PCDHGA3: variants seen among roughly 807,000 people sequenced by gnomAD.
PCDHGA3 encodes the protein protocadherin gamma subfamily A, 3.
In PCDHGA3, 40 loss-of-function variants were observed where a neutral mutation model predicts 58.5. That is an observed-to-expected ratio of 0.68 (90% CI 0.53 to 0.89). The LOEUF (loss-of-function observed/expected upper bound fraction) is 0.89, where lower values mean the gene tolerates loss of function less well. Ranked by LOEUF, PCDHGA3 falls within the 40% of genes least tolerant of loss-of-function variation. PCDHGA3 has a pLI of 0.00. For synonymous variants in PCDHGA3, 530 were observed against 525.7 expected (o/e 1.01, Z -0.11); for missense variants, 1,223 against 1,195.9 (o/e 1.02, Z -0.33).
At chr5:141,365,306 G>C in intron 1 of PCDHGA3, 1 of 1,613,976 alleles carries the variant, frequency 6.2e-7, no homozygotes, top group South Asian at 1.1e-5. Context: ...GGATGGAGGC[G>C]CTCTTGTTGC....
In PCDHGA3 at chr5:141,476,012, T is replaced by C. The variant is rs2099383969; in HGVS notation, c.2425-18795T>C. The stretch of plus-strand genomic sequence containing the variant: ...CAAATCAACGGCATCCAGAAAGCCA[T>C]GTCGGACTCGGCGCCCAGCGCCCAA... On this transcript the variant is annotated intron_variant, in intron 1 of 3. Coordinates refer to ENST00000253812, the MANE Select transcript of PCDHGA3 (RefSeq NM_018916.4). This position sits in a 1 kb window ranked among gnomAD's most constrained non-coding sequence, Gnocchi z 7.6. 7.6e-7 allele frequency: 1 copy of C among 1,317,178 alleles called. No individual in the cohort carries two copies. The highest frequency in any genetic ancestry group is 1.4e-5 in the South Asian group (1 of 69,696). The allele number at this position is 1,317,178 out of a possible 1,614,324, so 81.6% of individuals were successfully genotyped here. A position where few individuals can be genotyped will look rare whatever the true frequency, so the allele number is the denominator to read the frequency against.
intron 1 of PCDHGA3, chr5:141,410,735 T>C: frequency 7.5e-7 from 1 of 1,336,188 alleles, no homozygotes; most frequent in Non-Finnish European, 1.0e-6. Context: ...CATAGCTTTT[T>C]ACAATATTTT....
At position 141,489,585 on chromosome 5, in the gene PCDHGA3, G is replaced by A; in HGVS notation, c.2425-5222G>A. 3 of 1,614,090 alleles carry A rather than the reference G, an allele frequency of 1.9e-6. No individual in the cohort carries two copies. Among genetic ancestry groups the A allele is most frequent in the Non-Finnish European group, 2.5e-6 (3 of 1,180,004 alleles). The stretch of plus-strand genomic sequence containing the variant: ...AGGTGGTGACTGAACACCCCCTGGA[G>A]CTAATCCGTGTAGAGGTAGAGATCC... On this transcript the variant is annotated intron_variant, in intron 1 of 3. Coordinates refer to ENST00000253812, the MANE Select transcript of PCDHGA3 (RefSeq NM_018916.4). The surrounding 1 kb of genome is among the most constrained non-coding windows in gnomAD (Gnocchi z 4.5).
At position 141,357,408 on chromosome 5, in the gene PCDHGA3, T is replaced by C. The variant is rs73792169; in HGVS notation, c.2424+10951T>C. 2.9e-3 allele frequency: 4,630 copies of C among 1,614,246 alleles called. 117 individuals carry two copies. In the African/African-American group the frequency reaches 0.05, roughly 18 times the overall value. On this transcript the variant is annotated intron_variant, in intron 1 of 3. Transcript: ENST00000253812. Reference sequence around the variant, plus strand: ...AAGGCAGCAGGTTGGCAGGTGTGCCTGCCTCGCACTTTGTGGGCGTGGACG... The same window carrying C: ...AAGGCAGCAGGTTGGCAGGTGTGCCCGCCTCGCACTTTGTGGGCGTGGACG...
chr5:141,472,564 A>G (rs1471933375), intron 1 of PCDHGA3, among the ~76,000 whole-genome samples: 6 of 152,050 alleles, frequency 3.9e-5, no homozygotes, highest in Admixed American at 2.6e-4. Context: ...TATATTATAA[A>G]TGCTGCATCT....
intron 1 of PCDHGA3, chr5:141,385,199 A>C (rs1185520352): frequency 6.2e-7 from 1 of 1,614,064 alleles, no homozygotes; most frequent in African/African-American, 1.3e-5. Flanking sequence ...CGGAAGAGTC[A>C]CCTGATCTTC....
intron 1 of PCDHGA3, chr5:141,384,854 C>T: frequency 6.2e-7 from 1 of 1,613,702 alleles, no homozygotes; most frequent in Non-Finnish European, 8.5e-7. Context: ...CACGGTCAGC[C>T]TCCTCTGTCA....
intron 1 of PCDHGA3, chr5:141,395,544 G>A (rs1352260391): frequency 8.7e-5 from 1 of 11,524 alleles, no homozygotes. Flanking sequence ...GCTATTGTTT[G>A]TGTGTGTGTG....
intron 1 of PCDHGA3, among the ~76,000 whole-genome samples, chr5:141,484,797 G>C (rs1228143036): frequency 6.6e-6 from 1 of 152,064 alleles, no homozygotes; most frequent in Non-Finnish European, 1.5e-5. Flanking sequence ...ATAACAACCC[G>C]TGGAAAAACA....
chr5:141,490,338 C>A lies in PCDHGA3; in HGVS notation c.2425-4469C>A, dbSNP rs1408559629. Reference sequence around the variant, plus strand: ...CTGTCCTAGAGAGCACACCAGTGGGCACAGTAGTGGGGTTGTTTAATGTGC... The same window carrying A: ...CTGTCCTAGAGAGCACACCAGTGGGAACAGTAGTGGGGTTGTTTAATGTGC... On this transcript the variant is annotated intron_variant, in intron 1 of 3. Coordinates refer to ENST00000253812, the MANE Select transcript of PCDHGA3 (RefSeq NM_018916.4). This position sits in a 1 kb window ranked among gnomAD's most constrained non-coding sequence, Gnocchi z 5.4. 6.2e-7 allele frequency: 1 copy of A among 1,614,184 alleles called. No homozygotes were observed. The highest frequency in any genetic ancestry group is 1.7e-5 in the Admixed American group (1 of 60,032).
chr5:141,362,099 C>T, intron 1 of PCDHGA3: 1 of 1,613,886 alleles, frequency 6.2e-7, no homozygotes, highest in South Asian at 1.1e-5. Context: ...CCGCCACTCT[C>T]CGCTACGGCC....
intron 1 of PCDHGA3, chr5:141,366,049 G>A (rs542025009): frequency 1.9e-6 from 3 of 1,614,244 alleles, no homozygotes; most frequent in Non-Finnish European, 8.5e-7. Flanking sequence ...ACGGTTCCAC[G>A]GGCGTGGAGC....
intron 1 of PCDHGA3, chr5:141,403,246 G>C: frequency 6.2e-7 from 1 of 1,613,930 alleles, no homozygotes; most frequent in South Asian, 1.1e-5. Flanking sequence ...TCTGTGCTCA[G>C]AGCCCGCGGT....
intron 1 of PCDHGA3, chr5:141,382,773 T>C: frequency 1.3e-6 from 1 of 782,328 alleles, no homozygotes; most frequent in Non-Finnish European, 2.0e-6. Context: ...CAGGCTGCAC[T>C]AAACTCAAGC....
intron 1 of PCDHGA3, chr5:141,390,229 C>T (rs781367582): frequency 6.2e-7 from 1 of 1,614,056 alleles, no homozygotes; most frequent in South Asian, 1.1e-5. Flanking sequence ...TGCGGTGATT[C>T]ATCTGGGGCC....
At chr5:141,400,498 A>G (rs1181845890) in intron 1 of PCDHGA3, 2 of 1,614,034 alleles carry the variant, frequency 1.2e-6, no homozygotes, top group Non-Finnish European at 1.7e-6. Flanking sequence ...TTGTAATTCC[A>G]GCGAGTCGAC....
At chr5:141,393,211 T>G (rs1310978287) in intron 1 of PCDHGA3, 3 of 1,613,502 alleles carry the variant, frequency 1.9e-6, no homozygotes, top group Non-Finnish European at 1.7e-6. Flanking sequence ...AACCCAAAAT[T>G]CCAGGTCGAA....
intron 1 of PCDHGA3, chr5:141,350,174 T>G: frequency 1.6e-6 from 2 of 1,283,836 alleles, no homozygotes; most frequent in Non-Finnish European, 2.1e-6. Context: ...TAATAAGTCC[T>G]AAGCTCAAAT....
Position 141,432,093 on chromosome 5 carries a change from C to G in PCDHGA3, c.2425-62714C>G. On this transcript the variant is annotated intron_variant, in intron 1 of 3. Coordinates refer to ENST00000253812, the MANE Select transcript of PCDHGA3 (RefSeq NM_018916.4). This position sits in a 1 kb window ranked among gnomAD's most constrained non-coding sequence, Gnocchi z 6.0. ...CATATCTCGCTGAACGTGGCAGACA[C>G]CAACGACAACCCGCCGGTCTTCCCT... 1 of 1,614,170 alleles carries G rather than the reference C, an allele frequency of 6.2e-7. No individual in the cohort carries two copies. The highest frequency in any genetic ancestry group is 8.5e-7 in the Non-Finnish European group (1 of 1,180,046).
Sources: allele counts gnomAD v4.1 joint callset (sites outside exome capture counted in the v4.1 genomes callset), GRCh38; gene constraint gnomAD v4.1.1; non-coding constraint Gnocchi (gnomAD v3.1); transcripts MANE v1.5; gene names NCBI Gene and HGNC (gene_info 2026-07-23, HGNC 2026-07-21).